Variants in MMD2 observed in about 807,000 individuals in gnomAD.
MMD2 encodes the protein monocyte to macrophage differentiation factor 2.
MMD2 carries 30 observed loss-of-function variants against 33.5 expected under a neutral mutation model. That is an observed-to-expected ratio of 0.90 (90% CI 0.67 to 1.22). The LOEUF (loss-of-function observed/expected upper bound fraction) is 1.22. Ranked by LOEUF, MMD2 falls within the 50% of genes most tolerant of loss-of-function variation. The probability of loss-of-function intolerance (pLI) is 0.00; values close to 1 mark genes in which losing one functional copy is unlikely to be tolerated. For missense variants in MMD2, 364 were observed against 325.4 expected (o/e 1.12, Z -0.91); for synonymous variants, 129 against 123.0 (o/e 1.05, Z -0.32).
At chr7:4,920,005 C>A (rs1203524248) in intron 3 of MMD2, among the ~76,000 whole-genome samples, 166 bp downstream of exon 3, 2 of 152,202 alleles carry the variant, frequency 1.3e-5, no homozygotes, top group Non-Finnish European at 2.9e-5. Flanking sequence ...AGGGCTTGTG[C>A]CTCCTGCAAA....
In MMD2 at chr7:4,920,269, C is replaced by T. The variant is rs1785244091; in HGVS notation, c.192G>A (p.Trp64Ter). ...CGTAGATCCAGGCAGAGATGGTCTC[C>T]CAGTCATCGTCCGACAGGAAGTAGA... Reference protein sequence around the residue: ...SNLYFLSDDDWETISAWIYGL... With the variant: ...SNLYFLSDDD Residue 64 changes from tryptophan (W) to a stop codon, truncating the protein, a stop_gained, in exon 3 of 7, where the codon TGG becomes TGA. Coordinates refer to ENST00000401401, the MANE Select transcript of MMD2 (RefSeq NM_198403.4). LOFTEE classifies it high-confidence loss of function. 1 of 1,605,664 alleles carries T rather than the reference C, an allele frequency of 6.2e-7. No homozygotes were observed. The highest frequency in any genetic ancestry group is 8.5e-7 in the Non-Finnish European group (1 of 1,176,518).
At chr7:4,920,408 G>A (rs1054919680) in intron 2 of MMD2, 77 bp from the exon 3 acceptor site, 23 of 1,489,134 alleles carry the variant, frequency 1.5e-5, no homozygotes, top group African/African-American at 6.9e-5. Context: ...TTCCCCGGCT[G>A]AGCTGCCCAA....
In MMD2 at chr7:4,945,687, G is replaced by A. The variant is rs1375846055; in HGVS notation, c.47+13284C>T. Among the ~76,000 whole-genome samples, 4 of 152,238 alleles carry A rather than the reference G, an allele frequency of 2.6e-5. No individual in the cohort carries two copies. In the South Asian group the frequency reaches 6.2e-4, roughly 24 times the overall value. On this transcript the variant is annotated intron_variant, in intron 1 of 6. Transcript: ENST00000401401. ...CCTCCAGGGTTCAAACGATTCTCCT[G>A]CCTCAGCCTCCTAAGTAGCTGGGAT...
intron 1 of MMD2, among the ~76,000 whole-genome samples, chr7:4,933,665 G>T (rs539024456): frequency 1.3e-5 from 2 of 151,598 alleles, no homozygotes; most frequent in South Asian, 2.1e-4. Flanking sequence ...TTTAGATAGG[G>T]TCTATCACCC....
Position 4,946,153 on chromosome 7 carries a change from C to CATGCA in MMD2, c.47+12817_47+12818insTGCAT, listed in dbSNP as rs1562494474. Among the ~76,000 whole-genome samples the CATGCA allele has an allele frequency of 1.3e-5, 2 of 149,912 alleles. No individual in the cohort carries two copies. Among genetic ancestry groups the CATGCA allele is most frequent in the African/African-American group, 4.9e-5 (2 of 40,644 alleles). Reference sequence around the variant, plus strand: ...CCTGCACACGCACGCACACCCACACCCGCGCGCACACCTGCACACATGCAC... The same window carrying CATGCA: ...CCTGCACACGCACGCACACCCACACCATGCACGCGCGCACACCTGCACACATGCAC... On this transcript the variant is annotated intron_variant, in intron 1 of 6. Transcript: ENST00000401401. This position sits in a 1 kb window ranked among gnomAD's most constrained non-coding sequence, Gnocchi z 5.0.
Position 4,959,153 on chromosome 7 carries a change from C to G in MMD2, c.-136G>C. ...AGGGGACCTGGTCGGCGCCCGGAGC[C>G]GGAGCCGGAGCCCGAGCCGGAGCTG... On this transcript the variant is annotated 5_prime_UTR_variant, in exon 1 of 7. Transcript: ENST00000401401. 5.8e-6 allele frequency: 3 copies of G among 517,676 alleles called. No individual in the cohort carries two copies. Among genetic ancestry groups the G allele is most frequent in the Non-Finnish European group, 8.0e-6 (3 of 375,632 alleles). 32.1% of individuals were successfully genotyped at this position (517,676 alleles called of 1,614,324 possible).
At chr7:4,908,494 T>C (rs1460767027) in intron 6 of MMD2, among the ~76,000 whole-genome samples, 1 of 152,100 alleles carries the variant, frequency 6.6e-6, no homozygotes, top group Admixed American at 6.6e-5. Context: ...ACCCAAAGAA[T>C]TGAAAGCAGG....
At chr7:4,920,108 C>G in intron 3 of MMD2, 63 bp downstream of exon 3, 5 of 1,513,716 alleles carry the variant, frequency 3.3e-6, no homozygotes, top group Non-Finnish European at 4.5e-6. Flanking sequence ...ACCCCCCGGG[C>G]TGCCATGGGT....
chr7:4,892,617 A>AATAAATAAATCT, the MMD2 span, among the ~76,000 whole-genome samples: 60 of 149,256 alleles, frequency 4.0e-4, no homozygotes, highest in African/African-American at 1.5e-3. Context: ...TAAATAAATA[A>AATAAATAAATCT]ATCTGAAAAA....
intron 6 of MMD2, 121 bp from the exon 7 acceptor site, chr7:4,907,720 C>CTCAA: frequency 2.3e-6 from 2 of 855,786 alleles, no homozygotes; most frequent in East Asian, 5.2e-5. Flanking sequence ...GCCCAGACTC[C>CTCAA]CAGGTGGGAA....
At chr7:4,929,117 G>A (rs1032322197) in intron 1 of MMD2, among the ~76,000 whole-genome samples, 17 of 152,124 alleles carry the variant, frequency 1.1e-4, no homozygotes, top group South Asian at 2.1e-4. Context: ...GACACTTGGC[G>A]CCTGGGTGAG....
At chr7:4,920,047 C>T in intron 3 of MMD2, 124 bp downstream of exon 3, 1 of 1,169,302 alleles carries the variant, frequency 8.6e-7, no homozygotes, top group Non-Finnish European at 1.2e-6. Context: ...CCAGCCCAGC[C>T]CCTCCCAGCT....
intron 1 of MMD2, among the ~76,000 whole-genome samples, chr7:4,929,321 G>A (rs779975787): frequency 5.3e-5 from 8 of 152,142 alleles, no homozygotes; most frequent in Middle Eastern, 3.4e-3. Context: ...CATCTCCCAC[G>A]GCCGCAGCAG....
intron 1 of MMD2, among the ~76,000 whole-genome samples, chr7:4,941,229 C>T (rs757460370): frequency 3.3e-5 from 5 of 152,218 alleles, no homozygotes; most frequent in Non-Finnish European, 7.3e-5. Flanking sequence ...CAATCATCTC[C>T]CAGAGATTCC....
At chr7:4,929,149 G>A (rs1785507791) in intron 1 of MMD2, among the ~76,000 whole-genome samples, 1 of 152,152 alleles carries the variant, frequency 6.6e-6, no homozygotes, top group African/African-American at 2.4e-5. Context: ...CCAGGTTCGG[G>A]TGACTGCTCT....
chr7:4,900,889 C>T, the MMD2 span, among the ~76,000 whole-genome samples: 38 of 152,270 alleles, frequency 2.5e-4, no homozygotes, highest in African/African-American at 5.5e-4. Context: ...CCTGTAATCC[C>T]AGCACTTTGG....
chr7:4,910,367 C>T (rs974411483), intron 5 of MMD2, among the ~76,000 whole-genome samples: 3 of 152,116 alleles, frequency 2.0e-5, no homozygotes, highest in African/African-American at 7.2e-5. Context: ...CTTTGCTGTC[C>T]CTGGACTAAA....
At chr7:4,942,601 C>T (rs1253404932) in intron 1 of MMD2, among the ~76,000 whole-genome samples, 1 of 148,500 alleles carries the variant, frequency 6.7e-6, no homozygotes, top group Non-Finnish European at 1.5e-5. Flanking sequence ...TTACACTTTC[C>T]ATCCTGTCTA....
In MMD2 at chr7:4,946,575, G is replaced by C. The variant is rs995066783; in HGVS notation, c.47+12396C>G. The stretch of plus-strand genomic sequence containing the variant: ...TGCTAAGACCACCAGGTGAGAGGCT[G>C]CTGAGTAATAGGATGCTGAAAAGGA... On this transcript the variant is annotated intron_variant, in intron 1 of 6. Coordinates refer to ENST00000401401, the MANE Select transcript of MMD2 (RefSeq NM_198403.4). The surrounding 1 kb of genome is among the most constrained non-coding windows in gnomAD (Gnocchi z 5.0). 1.3e-5 allele frequency among the ~76,000 whole-genome samples: 2 copies of C among 152,160 alleles called. No individual in the cohort carries two copies. The highest frequency in any genetic ancestry group is 2.9e-5 in the Non-Finnish European group (2 of 68,024).
Sources: gnomAD v4.1 joint callset for allele counts (sites outside exome capture counted in the v4.1 genomes callset) on GRCh38, gnomAD v4.1.1 for gene constraint, Gnocchi (gnomAD v3.1) non-coding constraint, MANE v1.5 for transcripts, NCBI Gene and HGNC (gene_info 2026-07-23, HGNC 2026-07-21) for gene names.